The following INPP4B variants were observed in gnomAD, a reference collection of about 807,000 sequenced individuals.
INPP4B encodes inositol polyphosphate-4-phosphatase type II B.
INPP4B carries 55 observed loss-of-function variants against 122.5 expected under a neutral mutation model. The ratio of observed to expected loss-of-function variants is 0.45; its 90% confidence interval spans 0.36 to 0.56. The LOEUF is 0.56. Among genes scored for constraint, INPP4B ranks in the 20% least tolerant of loss-of-function variants. The probability of loss-of-function intolerance (pLI) is 0.00; values close to 1 mark genes in which losing one functional copy is unlikely to be tolerated. For synonymous variants in INPP4B, 403 were observed against 388.7 expected (o/e 1.04, Z -0.43); for missense variants, 1,000 against 1,097.7 (o/e 0.91, Z 1.26).
At chr4:142,257,468 C>T (rs1363764570) in intron 11 of INPP4B, among the ~76,000 whole-genome samples, 1 of 152,102 alleles carries the variant, frequency 6.6e-6, no homozygotes, top group East Asian at 1.9e-4. Flanking sequence ...ATGGTCTCAG[C>T]CCAAAATCTC....
At chr4:142,111,202 A>G (rs1300709916) in intron 22 of INPP4B, among the ~76,000 whole-genome samples, 9 of 152,094 alleles carry the variant, frequency 5.9e-5, no homozygotes, top group Admixed American at 5.9e-4. Flanking sequence ...TGAATTATAG[A>G]TAAGAAAGCA....
At chr4:142,270,016 T>C (rs1373641160) in intron 10 of INPP4B, among the ~76,000 whole-genome samples, 1 of 152,184 alleles carries the variant, frequency 6.6e-6, no homozygotes, top group East Asian at 1.9e-4. Flanking sequence ...GGCTAATATT[T>C]ACATAGTTTC....
intron 2 of INPP4B, among the ~76,000 whole-genome samples, chr4:142,475,489 G>A (rs1025176459): frequency 6.6e-6 from 1 of 152,042 alleles, no homozygotes; most frequent in Non-Finnish European, 1.5e-5. Context: ...TTCTTACCTG[G>A]GCTGAAATGG....
chr4:142,565,477 C>G (rs1362514219), intron 2 of INPP4B, among the ~76,000 whole-genome samples: 1 of 152,000 alleles, frequency 6.6e-6, no homozygotes, highest in Non-Finnish European at 1.5e-5. Flanking sequence ...AGTGAGTGAA[C>G]AAATGAATGA....
At chr4:142,586,139 G>T (rs1736150745) in intron 2 of INPP4B, among the ~76,000 whole-genome samples, 1 of 151,830 alleles carries the variant, frequency 6.6e-6, no homozygotes, top group Non-Finnish European at 1.5e-5. Flanking sequence ...ACAAAATGCT[G>T]TCTCCACTAA....
intron 17 of INPP4B, among the ~76,000 whole-genome samples, chr4:142,150,883 C>T (rs1561297254): frequency 1.3e-5 from 2 of 152,114 alleles, no homozygotes; most frequent in Admixed American, 1.3e-4. Context: ...ACTTAGCTGA[C>T]CAACTTTTTC....
At chr4:142,439,799 C>A (rs1202568558) in intron 3 of INPP4B, among the ~76,000 whole-genome samples, 1 of 152,114 alleles carries the variant, frequency 6.6e-6, no homozygotes, top group Non-Finnish European at 1.5e-5. Flanking sequence ...TCACATTACA[C>A]CCAATGGCTT....
chr4:142,833,058 T>A (rs1240358742), intron 1 of INPP4B, among the ~76,000 whole-genome samples: 5 of 150,770 alleles, frequency 3.3e-5, no homozygotes, highest in African/African-American at 1.2e-4. Flanking sequence ...TTTTTCTAGT[T>A]TTTTTTTTCT....
At chr4:142,768,241 G>A (rs991281773) in intron 1 of INPP4B, among the ~76,000 whole-genome samples, 54 of 152,134 alleles carry the variant, frequency 3.5e-4, no homozygotes, top group Non-Finnish European at 8.8e-5. Context: ...TTTATACCAT[G>A]TGATACAAAA....
intron 25 of INPP4B, among the ~76,000 whole-genome samples, chr4:142,041,289 C>T (rs758714066): frequency 5.3e-5 from 8 of 152,026 alleles, no homozygotes; most frequent in African/African-American, 7.2e-5. Context: ...GTACTCAGAA[C>T]GTGCTCAATA....
intron 2 of INPP4B, among the ~76,000 whole-genome samples, chr4:142,537,429 TAGAGAGAGAGAGAGAG>T (rs1157643466): frequency 4.3e-4 from 11 of 25,460 alleles, no homozygotes; most frequent in East Asian, 1.3e-3. Context: ...TATATATATA[TAGAGAGAGAGAGAGAG>T]AGAGAGAGAG....
intron 2 of INPP4B, among the ~76,000 whole-genome samples, chr4:142,700,086 T>C (rs902647453): frequency 1.3e-5 from 2 of 152,110 alleles, no homozygotes; most frequent in Admixed American, 1.3e-4. Flanking sequence ...TAGATTTGCC[T>C]ATACTCATGG....
intron 1 of INPP4B, among the ~76,000 whole-genome samples, chr4:142,796,760 G>A (rs1289819181): frequency 6.6e-6 from 1 of 151,818 alleles, no homozygotes; most frequent in Admixed American, 6.6e-5. Flanking sequence ...TTAGAGGAAG[G>A]TTTCTGTTCA....
intron 2 of INPP4B, among the ~76,000 whole-genome samples, chr4:142,720,921 T>C (rs1764570071): frequency 7.0e-6 from 1 of 143,816 alleles, no homozygotes; most frequent in Non-Finnish European, 1.5e-5. Flanking sequence ...TGTGTGTGTG[T>C]GTGTGTATGA....
At chr4:142,102,181 T>C (rs912126530) in intron 23 of INPP4B, among the ~76,000 whole-genome samples, 1 of 152,062 alleles carries the variant, frequency 6.6e-6, no homozygotes, top group African/African-American at 2.4e-5. Context: ...AAATAAGATT[T>C]AAGATAAATT....
chr4:142,186,278 T>C lies in INPP4B; in HGVS notation c.1181+6809A>G, dbSNP rs576423260. On this transcript the variant is annotated intron_variant, in intron 15 of 25. Coordinates refer to ENST00000262992, the MANE Select transcript of INPP4B (RefSeq NM_001101669.3). Reference sequence around the variant, plus strand: ...TTAGCATATATAAACTCATCAAATTTTGGAAACCACCCTCTGGGGTAAGCA... The same window carrying C: ...TTAGCATATATAAACTCATCAAATTCTGGAAACCACCCTCTGGGGTAAGCA... Among the ~76,000 whole-genome samples the C allele has an allele frequency of 5.3e-5, 8 of 152,314 alleles. 1 individual carries two copies. In the South Asian group the frequency reaches 1.5e-3, roughly 28 times the overall value.
At chr4:142,517,248 T>C (rs934937243) in intron 2 of INPP4B, among the ~76,000 whole-genome samples, 1 of 152,086 alleles carries the variant, frequency 6.6e-6, no homozygotes. Flanking sequence ...AGTAGAACAG[T>C]ATTTTTATTC....
intron 2 of INPP4B, among the ~76,000 whole-genome samples, chr4:142,694,411 C>G (rs1760729490): frequency 6.6e-6 from 1 of 151,388 alleles, no homozygotes; most frequent in African/African-American, 2.4e-5. Context: ...AAAAAAAAAC[C>G]CTTTAACTCA....
intron 2 of INPP4B, among the ~76,000 whole-genome samples, chr4:142,697,916 G>A (rs193207229): frequency 1.3e-5 from 2 of 152,124 alleles, no homozygotes; most frequent in Admixed American, 6.5e-5. Flanking sequence ...GATAAACTCA[G>A]AGTTTTAAAG....
Sources: gnomAD v4.1 joint callset for allele counts (sites outside exome capture counted in the v4.1 genomes callset) on GRCh38, gnomAD v4.1.1 for gene constraint, MANE v1.5 for transcripts, NCBI Gene and HGNC (gene_info 2026-07-23, HGNC 2026-07-21) for gene names.